Variants in GOLGA8S observed in about 807,000 individuals in gnomAD.
GOLGA8S encodes the protein golgin subfamily A member 8S.
A neutral mutation model predicts 58.9 loss-of-function variants in GOLGA8S; 23 were observed. That is an observed-to-expected ratio of 0.39 (90% CI 0.28 to 0.55). The LOEUF (loss-of-function observed/expected upper bound fraction) is 0.55. Among genes scored for constraint, GOLGA8S ranks in the 20% least tolerant of loss-of-function variants. The pLI is 0.63. For synonymous variants in GOLGA8S, 84 were observed against 195.7 expected (o/e 0.43, Z 4.76); for missense variants, 266 against 514.2 (o/e 0.52, Z 4.67).
chr15:23,368,098 T>C (rs1235288198), downstream of GOLGA8S, among the ~76,000 whole-genome samples: 1 of 151,874 alleles, frequency 6.6e-6, no homozygotes, highest in Non-Finnish European at 1.5e-5. Flanking sequence ...ATGAATACTA[T>C]AGTATAAAAG....
intron 3 of GOLGA8S, 50 bp downstream of exon 3, chr15:23,357,405 ACCT>A: frequency 1.7e-6 from 2 of 1,204,104 alleles, no homozygotes; most frequent in Non-Finnish European, 1.2e-6. Context: ...CAGCCCTCCA[ACCT>A]CCTCCTCCAG....
chr15:23,367,998 C>T (rs2069948061), downstream of GOLGA8S, among the ~76,000 whole-genome samples: 2 of 151,774 alleles, frequency 1.3e-5, no homozygotes, highest in Non-Finnish European at 2.9e-5. Flanking sequence ...TTCTCTAAAA[C>T]TTTATCTTAG....
intron 15 of GOLGA8S, 49 bp from the exon 16 acceptor site, chr15:23,364,294 C>A: frequency 1.3e-6 from 2 of 1,594,808 alleles, no homozygotes; most frequent in Non-Finnish European, 1.7e-6. Flanking sequence ...GAAAATGCCA[C>A]CTGAGGGCAG....
At chr15:23,360,883 G>A (rs1356317988) in intron 11 of GOLGA8S, 68 bp downstream of exon 11, 9 of 932,230 alleles carry the variant, frequency 9.7e-6, no homozygotes, top group Non-Finnish European at 1.4e-5. Context: ...GGCTTGGAGT[G>A]CCCCAGCGAG....
In GOLGA8S at chr15:23,364,587, G is replaced by A. The variant is rs764034605; in HGVS notation, c.1510G>A (p.Gly504Arg). 1.6e-5 allele frequency: 25 copies of A among 1,548,360 alleles called. 1 individual carries two copies. Among genetic ancestry groups the A allele is most frequent in the Non-Finnish European group, 1.9e-5 (22 of 1,146,764 alleles). ...TGCCAAAGATGCGGCACTGGGAGGAGGACACCATCAGGCTGGAGCTCAGGG... is the reference window on the plus strand; with the variant it reads ...TGCCAAAGATGCGGCACTGGGAGGAAGACACCATCAGGCTGGAGCTCAGGG... Residue 504 changes from glycine (G) to arginine (R), a missense_variant, in exon 17 of 19, where the codon GGA becomes AGA. Coordinates refer to ENST00000562295, the Ensembl canonical transcript of GOLGA8S.
At chr15:23,366,567 C>T (rs1193261785), downstream of GOLGA8S, 1 of 152,034 alleles carries the variant, frequency 6.6e-6, no homozygotes, top group African/African-American at 2.4e-5. Context: ...TATCAGGAAA[C>T]GTGCCTATAC....
chr15:23,366,166 C>A (rs914522115), downstream of GOLGA8S: 1 of 151,750 alleles, frequency 6.6e-6, no homozygotes, highest in East Asian at 1.9e-4. Context: ...TTTACGAGTT[C>A]AAATGTCCCT....
chr15:23,357,304 AG>A lies in GOLGA8S; in HGVS notation c.179del (p.Gly60ValfsTer13). On this transcript the variant is annotated frameshift_variant, in exon 3 of 19. Coordinates refer to ENST00000562295, the Ensembl canonical transcript of GOLGA8S. LOFTEE classifies it high-confidence loss of function. ...ACTCTCATCTCTTGTAGTCAGCAAC[AG>A]GTATCCACGGGGAGAGCCCTACATC... The A allele has an allele frequency of 3.0e-6, 2 of 657,348 alleles. No individual in the cohort carries two copies. Among genetic ancestry groups the A allele is most frequent in the Non-Finnish European group, 2.6e-6 (1 of 381,112 alleles). The allele number at this position is 657,348 out of a possible 1,614,324, so 40.7% of individuals were successfully genotyped here. A position where few individuals can be genotyped will look rare whatever the true frequency, so the allele number is the denominator to read the frequency against.
chr15:23,361,159 C>A (rs1214693294), intron 11 of GOLGA8S, 62 bp from the exon 12 acceptor site: 2 of 1,003,966 alleles, frequency 2.0e-6, no homozygotes, highest in Non-Finnish European at 1.4e-6. Context: ...CTTTTCTTTT[C>A]TTTTCTTTTC....
downstream of GOLGA8S, among the ~76,000 whole-genome samples, chr15:23,368,020 AATAAT>A (rs1363889372): frequency 5.9e-5 from 9 of 152,112 alleles, 1 homozygote; most frequent in East Asian, 7.7e-4. Flanking sequence ...GTCATTTTAA[AATAAT>A]ATAACTATTA....
chr15:23,365,994 A>T (rs1374912802), downstream of GOLGA8S: 1 of 150,884 alleles, frequency 6.6e-6, no homozygotes, highest in African/African-American at 2.4e-5. Flanking sequence ...TTGACTGTGG[A>T]TGTGGAAAAC....
downstream of GOLGA8S, chr15:23,366,189 C>T (rs1300436207): frequency 6.6e-6 from 1 of 151,730 alleles, no homozygotes; most frequent in Non-Finnish European, 1.5e-5. Flanking sequence ...AACAGGCATA[C>T]AGGCTCTAGT....
downstream of GOLGA8S, chr15:23,365,156 T>C (rs570767286): frequency 1.0e-5 from 16 of 1,586,114 alleles, no homozygotes; most frequent in Admixed American, 2.7e-4. Context: ...ATCAAAGAGC[T>C]GCTCAAGAAA....
At chr15:23,364,252 G>A (rs923219855) in intron 15 of GOLGA8S, 91 bp from the exon 16 acceptor site, 2 of 1,554,648 alleles carry the variant, frequency 1.3e-6, no homozygotes, top group African/African-American at 1.4e-5. Flanking sequence ...GCTGGCCCAT[G>A]CCAGGACTCA....
chr15:23,362,715 A>T (rs1030613622), intron 13 of GOLGA8S, among the ~76,000 whole-genome samples: 4 of 142,520 alleles, frequency 2.8e-5, no homozygotes, highest in African/African-American at 8.1e-5. Flanking sequence ...CTTAGGCCTG[A>T]AGTAAGGGGC....
rs1257834685 is a variant in GOLGA8S at position 23,360,636 on chromosome 15, G to T, written c.787-92G>T. The T allele has an allele frequency of 1.7e-5, 21 of 1,270,128 alleles. 2 individuals are homozygous for T. In the Admixed American group the frequency reaches 3.4e-4, roughly 20 times the overall value. 78.7% of individuals were successfully genotyped at this position (1,270,128 alleles called of 1,614,324 possible). Reference sequence around the variant, plus strand: ...GAGCCAGAGGTGGTCATGGGACTGGGCTTTGTGGAGGTGGGGGCAGAGAGG... The same window carrying T: ...GAGCCAGAGGTGGTCATGGGACTGGTCTTTGTGGAGGTGGGGGCAGAGAGG... On this transcript the variant is annotated intron_variant, in intron 10 of 18. Coordinates refer to ENST00000562295, the Ensembl canonical transcript of GOLGA8S.
In GOLGA8S at chr15:23,364,516, C is replaced by T. The variant is rs2069876851; in HGVS notation, c.1449-10C>T. 3 of 1,603,404 alleles carry T rather than the reference C, an allele frequency of 1.9e-6. No individual in the cohort carries two copies. Among genetic ancestry groups the T allele is most frequent in the Middle Eastern group, 1.9e-4 (1 of 5,302 alleles). ...AGGGGCCCCAGCGTCTGAGCCCTGT[C>T]CTCCCGCAGGAAAATCCATCACCTT... On this transcript the variant is annotated splice_polypyrimidine_tract_variant and intron_variant, in intron 16 of 18. Transcript: ENST00000562295.
At chr15:23,364,469 G>T (rs1462612514) in intron 16 of GOLGA8S, 26 bp downstream of exon 16, 2 of 1,604,472 alleles carry the variant, frequency 1.2e-6, no homozygotes, top group East Asian at 2.2e-5. Flanking sequence ...GGGCACAGCA[G>T]GGGGAGCTAC....
downstream of GOLGA8S, among the ~76,000 whole-genome samples, chr15:23,368,057 T>A (rs1470071238): frequency 6.6e-6 from 1 of 151,968 alleles, no homozygotes; most frequent in East Asian, 1.9e-4. Context: ...GCTATCTTAA[T>A]GTTCTGAAAT....
Sources: allele counts gnomAD v4.1 joint callset (sites outside exome capture counted in the v4.1 genomes callset), GRCh38; gene constraint gnomAD v4.1.1; transcripts MANE v1.5; gene names NCBI Gene and HGNC (gene_info 2026-07-23, HGNC 2026-07-21).